CNNM4: variants seen among roughly 807,000 people sequenced by gnomAD.
CNNM4 encodes the protein cyclin and CBS domain divalent metal cation transport mediator 4, also known as metal transporter CNNM4.
In CNNM4, 32 loss-of-function variants were observed where a neutral mutation model predicts 53.7. The ratio of observed to expected loss-of-function variants is 0.60; its 90% CI spans 0.45 to 0.80. The LOEUF (loss-of-function observed/expected upper bound fraction) is 0.80. Ranked by LOEUF, CNNM4 falls within the 30% of genes least tolerant of loss-of-function variation. The pLI is 0.00. For synonymous variants in CNNM4, 410 were observed against 440.0 expected (o/e 0.93, Z 0.85); for missense variants, 784 against 1,022.0 (o/e 0.77, Z 3.17).
chr2:96,790,893 G>T (rs1029309582), intron 1 of CNNM4, among the ~76,000 whole-genome samples: 13 of 151,416 alleles, frequency 8.6e-5, no homozygotes, highest in African/African-American at 2.9e-4. Context: ...GTTGAGGCGG[G>T]TGGATCACCT....
Position 96,801,586 on chromosome 2 carries a change from CAG to C in CNNM4, c.1948+1944_1948+1945del, listed in dbSNP as rs1040527855. On this transcript the variant is annotated intron_variant, in intron 5 of 6. Coordinates refer to ENST00000377075, the MANE Select transcript of CNNM4 (RefSeq NM_020184.4). This position sits in a 1 kb window ranked among gnomAD's most constrained non-coding sequence, Gnocchi z 5.6. ...ACCACACACAGAGATAGCACACACACAGAGAGACCACACACACAGAGACCACA... is the reference window on the plus strand; with the variant it reads ...ACCACACACAGAGATAGCACACACACAGAGACCACACACACAGAGACCACA... Among the ~76,000 whole-genome samples, 5 of 148,064 alleles carry C rather than the reference CAG, an allele frequency of 3.4e-5. No homozygotes were observed. The highest frequency in any genetic ancestry group is 2.2e-4 in the South Asian group (1 of 4,628).
chr2:96,761,266 C>T lies in CNNM4; in HGVS notation c.267C>T (p.Asn89=). Residue 89 remains asparagine (N), a synonymous_variant, in exon 1 of 7, where the codon AAC becomes AAT. Transcript: ENST00000377075. The surrounding 1 kb of genome is among the most constrained non-coding windows in gnomAD (Gnocchi z 6.0). ...YGYSLGNISS[N]LISFTEVDDA... ...ACAGCCTGGGCAACATCTCCAGCAA[C>T]CTGATCTCCTTCACCGAGGTGGACG... is the stretch of plus-strand genomic sequence containing the variant. The T allele has an allele frequency of 1.2e-6, 2 of 1,614,142 alleles. No homozygotes were observed. The highest frequency in any genetic ancestry group is 1.7e-6 in the Non-Finnish European group (2 of 1,180,024).
intron 1 of CNNM4, among the ~76,000 whole-genome samples, chr2:96,775,800 A>G (rs2078918961): frequency 6.6e-6 from 1 of 152,132 alleles, no homozygotes; most frequent in Non-Finnish European, 1.5e-5. Flanking sequence ...ATCACAGCTC[A>G]CTGCAGCCCC....
chr2:96,773,927 A>G (rs2078901128), intron 1 of CNNM4, among the ~76,000 whole-genome samples: 1 of 152,036 alleles, frequency 6.6e-6, no homozygotes, highest in East Asian at 1.9e-4. Flanking sequence ...AGAACCCTCT[A>G]TATAATTATA....
Position 96,801,227 on chromosome 2 carries a change from C to A in CNNM4, c.1948+1579C>A. The A allele has an allele frequency of 4.3e-6, 3 of 692,620 alleles. No individual in the cohort carries two copies. The highest frequency in any genetic ancestry group is 5.3e-6 in the Non-Finnish European group (3 of 562,340). The allele number at this position is 692,620 out of a possible 1,614,324, so 42.9% of individuals were successfully genotyped here. A position where few individuals can be genotyped will look rare whatever the true frequency, so the allele number is the denominator to read the frequency against. ...ACCTCCCCACATGGACCCGGACCCC[C>A]GCCTGCTCAATGTGGGCCGCCAGAC... On this transcript the variant is annotated intron_variant, in intron 5 of 6. Coordinates refer to ENST00000377075, the MANE Select transcript of CNNM4 (RefSeq NM_020184.4). The surrounding 1 kb of genome is among the most constrained non-coding windows in gnomAD (Gnocchi z 5.6).
chr2:96,767,480 A>G (rs762186650), intron 1 of CNNM4, among the ~76,000 whole-genome samples: 23 of 152,160 alleles, frequency 1.5e-4, no homozygotes, highest in Non-Finnish European at 3.1e-4. Context: ...CCACTCTCCC[A>G]GACCCTGAAG....
Position 96,761,405 on chromosome 2 carries a change from A to G in CNNM4, c.406A>G (p.Thr136Ala). The change falls in exon 1 of 7, where the codon ACC becomes GCC. Residue 136 changes from threonine to alanine, a missense_variant. Physicochemically the swap from Thr to Ala is moderately conservative, Grantham distance 58. This residue lies in a region of CNNM4 where 473 missense variants were observed against 624.6 expected (regional missense o/e 0.76). Coordinates refer to ENST00000377075, the MANE Select transcript of CNNM4 (RefSeq NM_020184.4). The surrounding 1 kb of genome is among the most constrained non-coding windows in gnomAD (Gnocchi z 6.0). Reference sequence around the variant, plus strand: ...CACGTCCGGCGTGCTGGTGGTGCTCACCAAGTTCCTCCGGAGGAGCGAGAG... The same window carrying G: ...CACGTCCGGCGTGCTGGTGGTGCTCGCCAAGTTCCTCCGGAGGAGCGAGAG... ...GNTSGVLVVL[T>A]KFLRRSESMK... is the part of the protein sequence containing the mutation. 1 of 1,614,094 alleles carries G rather than the reference A, an allele frequency of 6.2e-7. No homozygotes were observed. The highest frequency in any genetic ancestry group is 1.3e-5 in the African/African-American group (1 of 75,058).
chr2:96,761,033 G>C lies in CNNM4; in HGVS notation c.34G>C (p.Gly12Arg). ...APVGGGGRPV[G>R]GPARGRLLLA... is the part of the protein sequence containing the mutation. ...GGTGGGCGGGGGCGGGCGCCCGGTC[G>C]GCGGACCGGCCCGCGGGCGCCTCCT... Residue 12 changes from glycine to arginine, a missense_variant, in exon 1 of 7, where the codon GGC (glycine) becomes CGC (arginine). Physicochemically the swap from Gly to Arg is moderately radical, Grantham distance 125. Transcript: ENST00000377075. The surrounding 1 kb of genome is among the most constrained non-coding windows in gnomAD (Gnocchi z 6.0). The C allele has an allele frequency of 8.2e-7, 1 of 1,215,892 alleles. No homozygotes were observed. Among genetic ancestry groups the C allele is most frequent in the Non-Finnish European group, 1.0e-6 (1 of 974,922 alleles). 75.3% of individuals were successfully genotyped at this position (1,215,892 alleles called of 1,614,324 possible).
At chr2:96,772,123 C>A (rs2078876758) in intron 1 of CNNM4, among the ~76,000 whole-genome samples, 1 of 151,996 alleles carries the variant, frequency 6.6e-6, no homozygotes, top group Non-Finnish European at 1.5e-5. Flanking sequence ...GGATCCCTCC[C>A]CTACCCCAGG....
intron 1 of CNNM4, among the ~76,000 whole-genome samples, chr2:96,764,157 A>G (rs752312329): frequency 7.9e-5 from 12 of 152,142 alleles, no homozygotes; most frequent in Non-Finnish European, 1.6e-4. Flanking sequence ...TCCAACCAGT[A>G]TGGATTGGTC....
Position 96,761,380 on chromosome 2 carries a change from C to T in CNNM4, c.381C>T (p.Asn127=), listed in dbSNP as rs761058012. 1.2e-6 allele frequency: 2 copies of T among 1,614,130 alleles called. No homozygotes were observed. The highest frequency in any genetic ancestry group is 2.2e-5 in the South Asian group (2 of 91,088). The change falls in exon 1 of 7, where the codon AAC becomes AAT. Residue 127 remains asparagine (N), a synonymous_variant. Transcript: ENST00000377075. This position sits in a 1 kb window ranked among gnomAD's most constrained non-coding sequence, Gnocchi z 6.0. ...VQQLVNVSRG[N]TSGVLVVLTK... is the part of the protein sequence containing the mutation. ...AGCTGGTCAACGTGAGCCGCGGGAA[C>T]ACGTCCGGCGTGCTGGTGGTGCTCA...
intron 1 of CNNM4, among the ~76,000 whole-genome samples, chr2:96,769,999 C>T (rs917818618): frequency 6.6e-6 from 1 of 152,200 alleles, no homozygotes; most frequent in Non-Finnish European, 1.5e-5. Flanking sequence ...TAGTGCAGTG[C>T]TGTGGGAAGG....
intron 1 of CNNM4, among the ~76,000 whole-genome samples, chr2:96,777,223 G>T (rs1574062067): frequency 6.7e-6 from 1 of 150,266 alleles, no homozygotes; most frequent in South Asian, 2.1e-4. Context: ...GTTTCACCAC[G>T]TTGGCCAGGA....
At chr2:96,765,024 G>GA (rs2078801708) in intron 1 of CNNM4, among the ~76,000 whole-genome samples, 21 of 41,518 alleles carry the variant, frequency 5.1e-4, no homozygotes, top group African/African-American at 1.8e-3. Context: ...GTTGGGAATG[G>GA]TTTTTTTTTT....
At chr2:96,787,138 C>T (rs1215013950) in intron 1 of CNNM4, among the ~76,000 whole-genome samples, 1 of 152,180 alleles carries the variant, frequency 6.6e-6, no homozygotes, top group Non-Finnish European at 1.5e-5. Flanking sequence ...ACCTTGCATG[C>T]TGGCCTGGGT....
At chr2:96,789,277 T>C (rs1471752264) in intron 1 of CNNM4, among the ~76,000 whole-genome samples, 2 of 152,146 alleles carry the variant, frequency 1.3e-5, no homozygotes, top group Non-Finnish European at 2.9e-5. Context: ...CACCCAGGGC[T>C]AACGTTTGAG....
chr2:96,770,039 G>A (rs369442768), intron 1 of CNNM4, among the ~76,000 whole-genome samples: 1 of 152,192 alleles, frequency 6.6e-6, no homozygotes, highest in African/African-American at 2.4e-5. Context: ...GGCCTGGTGC[G>A]TGCCAGCCAG....
At position 96,808,856 on chromosome 2, in the gene CNNM4, C is replaced by A; in HGVS notation, c.2130+114C>A. The A allele has an allele frequency of 1.9e-6, 2 of 1,056,966 alleles. No individual in the cohort carries two copies. Among genetic ancestry groups the A allele is most frequent in the Non-Finnish European group, 1.4e-6 (1 of 699,692 alleles). The allele number at this position is 1,056,966 out of a possible 1,614,324, so 65.5% of individuals were successfully genotyped here. On this transcript the variant is annotated intron_variant, in intron 6 of 6. Coordinates refer to ENST00000377075, the MANE Select transcript of CNNM4 (RefSeq NM_020184.4). This position sits in a 1 kb window ranked among gnomAD's most constrained non-coding sequence, Gnocchi z 4.9. The stretch of plus-strand genomic sequence containing the variant: ...CCCAAACCCGAGATGCCTTTTTCTT[C>A]TGGAGATGGGGTCTTGCTCTGTCGC...
chr2:96,808,570 C>T lies in CNNM4; in HGVS notation c.1958C>T (p.Pro653Leu), dbSNP rs754822043. Residue 653 changes from proline to leucine, a missense_variant, in exon 6 of 7, where the codon CCA becomes CTA. By Grantham distance (98) the Pro-to-Leu change is moderately conservative. Coordinates refer to ENST00000377075, the MANE Select transcript of CNNM4 (RefSeq NM_020184.4). The surrounding 1 kb of genome is among the most constrained non-coding windows in gnomAD (Gnocchi z 4.9). ...ALTSVPSDRS[P>L]AHPTPLSRSA... ...TCTGCTCTCCCTGCAGACCGTTCCC[C>T]AGCACACCCCACCCCACTCAGCCGC... 2 of 1,614,052 alleles carry T rather than the reference C, an allele frequency of 1.2e-6. No homozygotes were observed. Among genetic ancestry groups the T allele is most frequent in the Non-Finnish European group, 8.5e-7 (1 of 1,179,988 alleles).
Sources: allele counts gnomAD v4.1 joint callset (sites outside exome capture counted in the v4.1 genomes callset), GRCh38; gene constraint gnomAD v4.1.1; regional missense constraint gnomAD v4.1.1; non-coding constraint Gnocchi (gnomAD v3.1); transcripts MANE v1.5; gene names NCBI Gene and HGNC (gene_info 2026-07-23, HGNC 2026-07-21).